Variants in JMJD1C observed in about 807,000 individuals in gnomAD.
JMJD1C encodes jumonji domain-containing protein 1C.
Under a neutral mutation model 245.3 loss-of-function variants are expected in JMJD1C, and 31 were observed. The observed-to-expected ratio is 0.13, with a 90% CI of 0.09 to 0.17. The LOEUF is 0.17. JMJD1C is among the 10% of genes least tolerant of loss of function. The probability of loss-of-function intolerance (pLI) is 1.00; values close to 1 mark genes in which losing one functional copy is unlikely to be tolerated. For synonymous variants in JMJD1C, 1,057 were observed against 1,017.4 expected, an observed-to-expected ratio of 1.04 and a Z score of -0.74; for missense variants, 2,691 against 3,000.2, an observed-to-expected ratio of 0.90 and a Z score of 2.41.
At chr10:63,226,086 T>C (rs368819882) in intron 3 of JMJD1C, among the ~76,000 whole-genome samples, 1 of 151,654 alleles carries the variant, frequency 6.6e-6, no homozygotes, top group Non-Finnish European at 1.5e-5. Context: ...TTTCTTTATA[T>C]GTAAGGGGTA....
intron 3 of JMJD1C, among the ~76,000 whole-genome samples, chr10:63,239,919 C>G (rs137958755): frequency 6.6e-6 from 1 of 152,298 alleles, no homozygotes; most frequent in Non-Finnish European, 1.5e-5. Flanking sequence ...TCTGAACATT[C>G]TATTAAATAT....
Position 63,214,896 on chromosome 10 carries a change from TCTC to T in JMJD1C, c.1268_1270del (p.Gly423del). 1 of 1,613,356 alleles carries T rather than the reference TCTC, an allele frequency of 6.2e-7. No homozygotes were observed. Among genetic ancestry groups the T allele is most frequent in the Non-Finnish European group, 8.5e-7 (1 of 1,179,488 alleles). On this transcript the variant is annotated inframe_deletion, in exon 8 of 26. Coordinates refer to ENST00000399262, the MANE Select transcript of JMJD1C (RefSeq NM_032776.3). ...AGGCTGGCTATTTTTTAGGGTCTCT[TCTC>T]CTGCCTTCTCATTATTATGGGGTTT...
intron 2 of JMJD1C, among the ~76,000 whole-genome samples, chr10:63,364,605 C>T (rs959829044): frequency 6.6e-6 from 1 of 152,078 alleles, no homozygotes; most frequent in Non-Finnish European, 1.5e-5. Context: ...CCCACCTCAG[C>T]CTTCTAAGGA....
At chr10:63,382,208 T>TCA (rs370153018) in intron 1 of JMJD1C, among the ~76,000 whole-genome samples, 10 of 151,868 alleles carry the variant, frequency 6.6e-5, no homozygotes, top group Non-Finnish European at 1.5e-4. Flanking sequence ...CAAAACTCCG[T>TCA]CACACACACA....
intron 1 of JMJD1C, among the ~76,000 whole-genome samples, chr10:63,424,833 C>A (rs547770736): frequency 2.0e-5 from 3 of 152,188 alleles, no homozygotes; most frequent in Admixed American, 2.0e-4. Flanking sequence ...AGTGATGATA[C>A]ATTTGGGGTA....
chr10:63,182,171 T>C (rs1843569891), intron 22 of JMJD1C, among the ~76,000 whole-genome samples: 1 of 152,242 alleles, frequency 6.6e-6, no homozygotes, highest in African/African-American at 2.4e-5. Context: ...ATTTCATGGC[T>C]GGATGTCATC....
intron 1 of JMJD1C, among the ~76,000 whole-genome samples, chr10:63,508,873 T>A (rs1954795704): frequency 6.6e-6 from 1 of 152,240 alleles, no homozygotes. Flanking sequence ...TCTTGTCATC[T>A]GTGAACAATG....
intron 2 of JMJD1C, among the ~76,000 whole-genome samples, chr10:63,281,268 G>A (rs1353716293): frequency 6.6e-6 from 1 of 150,428 alleles, no homozygotes; most frequent in Admixed American, 6.6e-5. Flanking sequence ...CCTAGTAGCT[G>A]AGATTACAGG....
In JMJD1C at chr10:63,495,424, A is replaced by G. The variant is rs537093939; in HGVS notation, n.113+26314T>C. On this transcript the variant is annotated intron_variant and non_coding_transcript_variant, in intron 1 of 3. Transcript: ENST00000633035. ...GAATTCATAAAAAAAAAAAAAGACT[A>G]AAAACAATTCATTCATCAACTTTGG... Among the ~76,000 whole-genome samples, 6 of 152,224 alleles carry G rather than the reference A, an allele frequency of 3.9e-5. No individual in the cohort carries two copies. In the South Asian group the frequency reaches 1.0e-3, roughly 26 times the overall value.
rs574374423 is a variant in JMJD1C at position 63,425,507 on chromosome 10, C to T, written c.168+39988G>A. Among the ~76,000 whole-genome samples the T allele has an allele frequency of 5.1e-4, 78 of 152,238 alleles. 1 individual carries two copies. In the East Asian group the frequency reaches 5.2e-3, roughly 10 times the overall value. On this transcript the variant is annotated intron_variant, in intron 1 of 25. Coordinates refer to ENST00000399262, the MANE Select transcript of JMJD1C (RefSeq NM_032776.3). ...CTCAGTCAAAACTGAAAAGTCTGGGCGCAGTGGCTCATGTCTCTAATCCCA... is the reference window on the plus strand; with the variant it reads ...CTCAGTCAAAACTGAAAAGTCTGGGTGCAGTGGCTCATGTCTCTAATCCCA...
At chr10:63,449,262 T>TAATCTAAAA (rs1340390503) in intron 1 of JMJD1C, among the ~76,000 whole-genome samples, 33 of 152,192 alleles carry the variant, frequency 2.2e-4, no homozygotes, top group Non-Finnish European at 3.7e-4. Flanking sequence ...GAAGATGAAC[T>TAATCTAAAA]GGTACACAAT....
At chr10:63,383,856 T>C (rs901849005) in intron 1 of JMJD1C, among the ~76,000 whole-genome samples, 1 of 152,102 alleles carries the variant, frequency 6.6e-6, no homozygotes, top group African/African-American at 2.4e-5. Flanking sequence ...CTGCTCAGGG[T>C]GGTGGTAGCT....
chr10:63,450,285 G>A (rs998276389), intron 1 of JMJD1C, among the ~76,000 whole-genome samples: 1 of 151,966 alleles, frequency 6.6e-6, no homozygotes, highest in African/African-American at 2.4e-5. Flanking sequence ...TAATTGGAAG[G>A]CTGTGGCAGG....
intron 1 of JMJD1C, among the ~76,000 whole-genome samples, chr10:63,437,969 A>G (rs1189003285): frequency 1.3e-5 from 2 of 152,100 alleles, no homozygotes; most frequent in Admixed American, 1.3e-4. Flanking sequence ...TTTAACACTT[A>G]GGTATGTTCT....
At chr10:63,448,642 A>G (rs1951849847) in intron 1 of JMJD1C, among the ~76,000 whole-genome samples, 1 of 152,368 alleles carries the variant, frequency 6.6e-6, no homozygotes, top group East Asian at 1.9e-4. Context: ...CCCTTGCTAA[A>G]GTATAGTGTT....
chr10:63,437,659 T>G (rs1388101967), intron 1 of JMJD1C, among the ~76,000 whole-genome samples: 1 of 152,216 alleles, frequency 6.6e-6, no homozygotes, highest in Admixed American at 6.5e-5. Flanking sequence ...CCAAATGCCT[T>G]GTCAATAATC....
intron 1 of JMJD1C, among the ~76,000 whole-genome samples, chr10:63,449,638 T>C (rs1193493944): frequency 7.2e-5 from 11 of 152,124 alleles, no homozygotes; most frequent in Admixed American, 5.9e-4. Context: ...TCAAAATATA[T>C]AGTGTCTAAG....
intron 1 of JMJD1C, among the ~76,000 whole-genome samples, chr10:63,408,408 A>G (rs1949294688): frequency 6.6e-6 from 1 of 152,038 alleles, no homozygotes; most frequent in African/African-American, 2.4e-5. Context: ...TCTCAGAAAA[A>G]AAAAACAGAT....
rs941498741 is a variant in JMJD1C, at chr10:63,184,128, T to C, written c.6961+480A>G. 3.3e-5 allele frequency among the ~76,000 whole-genome samples: 5 copies of C among 151,982 alleles called. No individual in the cohort carries two copies. In the East Asian group the frequency reaches 7.7e-4, roughly 23 times the overall value. ...TTTTAGTAGAGATGGGGTTTCACCATGTCAGCCAGGGTGGTCTCAATCTCT... is the reference window on the plus strand; with the variant it reads ...TTTTAGTAGAGATGGGGTTTCACCACGTCAGCCAGGGTGGTCTCAATCTCT... On this transcript the variant is annotated intron_variant, in intron 21 of 25. Coordinates refer to ENST00000399262, the MANE Select transcript of JMJD1C (RefSeq NM_032776.3).
Sources: allele counts gnomAD v4.1 joint callset (sites outside exome capture counted in the v4.1 genomes callset), GRCh38; gene constraint gnomAD v4.1.1; transcripts MANE v1.5; gene names NCBI Gene and HGNC (gene_info 2026-07-23, HGNC 2026-07-21).